Variants in OTC observed in about 807,000 individuals in gnomAD.
OTC encodes ornithine transcarbamylase, also known as ornithine transcarbamylase, mitochondrial.
Under a neutral mutation model 30.3 loss-of-function variants are expected in OTC, and 3 were observed. That is an observed-to-expected ratio of 0.10 (90% CI 0.05 to 0.26). The LOEUF is 0.26. OTC is among the 10% of genes least tolerant of loss of function. The pLI, the probability that OTC is intolerant of heterozygous loss-of-function variation, is 1.00. For missense variants in OTC, 194 were observed against 260.3 expected (o/e 0.75, Z 1.75); for synonymous variants, 111 against 99.7 (o/e 1.11, Z -0.67).
chrX:38,385,225 G>T (rs979712814), intron 4 of OTC, among the ~76,000 whole-genome samples: 9 of 111,964 alleles, frequency 8.0e-5, no homozygotes, highest in Non-Finnish European at 1.7e-4. Flanking sequence ...AGCTGAGATT[G>T]TGCCACTGCA....
upstream of OTC, among the ~76,000 whole-genome samples, chrX:38,349,562 C>G (rs928664005): frequency 8.9e-6 from 1 of 112,607 alleles, no homozygotes; most frequent in African/African-American, 3.2e-5. Context: ...TACCTTCTGC[C>G]ATGGAATGGC....
At chrX:38,382,266 T>C (rs2068380578) in intron 4 of OTC, among the ~76,000 whole-genome samples, 2 of 112,274 alleles carry the variant, frequency 1.8e-5, no homozygotes, top group African/African-American at 6.5e-5. Context: ...ATAATGAAAC[T>C]GAAGCATAGG....
At chrX:38,383,202 A>G (rs959664512) in intron 4 of OTC, among the ~76,000 whole-genome samples, 8 of 111,728 alleles carry the variant, frequency 7.2e-5, no homozygotes, top group Non-Finnish European at 1.5e-4. Context: ...GAGTCCATAT[A>G]ATTCATTTTG....
rs757273283 is a variant in OTC at position 38,412,750 on chromosome X, C to G, written c.1005+751C>G. On this transcript the variant is annotated intron_variant, in intron 9 of 9. Coordinates refer to ENST00000039007, the MANE Select transcript of OTC (RefSeq NM_000531.6). Reference sequence around the variant, plus strand: ...TCTTACTTGCAAACGGGAGTCCACTCTAGGTAGATAAATGGAAAGTAATGT... The same window carrying G: ...TCTTACTTGCAAACGGGAGTCCACTGTAGGTAGATAAATGGAAAGTAATGT... Among the ~76,000 whole-genome samples the G allele has an allele frequency of 9.8e-5, 11 of 111,979 alleles. No homozygotes were observed. The East Asian group carries it at 3.1e-3, about 31-fold the overall frequency.
chrX:38,420,557 T>A (rs2068590030), intron 9 of OTC, among the ~76,000 whole-genome samples: 1 of 111,256 alleles, frequency 9.0e-6, no homozygotes, highest in Admixed American at 9.7e-5. Flanking sequence ...CTTTCAGGAA[T>A]ACCCAGCTTC....
Position 38,367,361 on chromosome X carries a change from G to C in OTC, c.148G>C (p.Gly50Arg). The change falls in exon 2 of 10, where the codon GGA (glycine) becomes CGA (arginine). Residue 50 changes from glycine (G) to arginine (R), a missense_variant. Gly to Arg is a moderately radical substitution (Grantham distance 125). Transcript: ENST00000039007. Reference sequence around the variant, plus strand: ...CCTTCTCACTCTAAAAAACTTTACCGGAGAAGAAATTAAATATATGCTATG... The same window carrying C: ...CCTTCTCACTCTAAAAAACTTTACCCGAGAAGAAATTAAATATATGCTATG... Reference protein sequence around the residue: ...RDLLTLKNFTGEEIKYMLWLS... With the variant: ...RDLLTLKNFTREEIKYMLWLS... 8.3e-7 allele frequency: 1 copy of C among 1,199,241 alleles called. No homozygotes were observed. Among genetic ancestry groups the C allele is most frequent in the Non-Finnish European group, 1.1e-6 (1 of 884,509 alleles).
In OTC at chrX:38,370,787, A is replaced by C. The variant is rs182927481; in HGVS notation, c.298+910A>C. Among the ~76,000 whole-genome samples the C allele has an allele frequency of 6.6e-4, 73 of 111,012 alleles. 1 individual carries two copies. In the East Asian group the frequency reaches 0.02, roughly 30 times the overall value. Reference sequence around the variant, plus strand: ...TAAACCCTGCTCTTCTCACCCTTCAAAGTGTCTGTGAGCCTAATATTTCAC... The same window carrying C: ...TAAACCCTGCTCTTCTCACCCTTCACAGTGTCTGTGAGCCTAATATTTCAC... On this transcript the variant is annotated intron_variant, in intron 3 of 9. Transcript: ENST00000039007.
chrX:38,388,050 A>G lies in OTC; in HGVS notation c.386+6621A>G, dbSNP rs745787671. Among the ~76,000 whole-genome samples the G allele has an allele frequency of 2.7e-5, 3 of 112,192 alleles. No individual in the cohort carries two copies. The Admixed American group carries it at 2.8e-4, about 11-fold the overall frequency. On this transcript the variant is annotated intron_variant, in intron 4 of 9. Transcript: ENST00000039007. The stretch of plus-strand genomic sequence containing the variant: ...AGCCTTGTAAGCAGCCCTTTGAAGG[A>G]CAGCCACCTCAAGGCGCTATGTTAG...
intron 9 of OTC, among the ~76,000 whole-genome samples, chrX:38,415,702 A>G (rs2068567445): frequency 9.1e-6 from 1 of 110,303 alleles, no homozygotes; most frequent in Non-Finnish European, 1.9e-5. Context: ...AAAATACAAA[A>G]ATATTAGCCT....
intron 4 of OTC, among the ~76,000 whole-genome samples, chrX:38,399,543 G>A (rs2068474167): frequency 9.0e-6 from 1 of 110,922 alleles, no homozygotes; most frequent in Non-Finnish European, 1.9e-5. Context: ...GAGGTCAGGA[G>A]TTTGAGACCA....
At chrX:38,339,933 T>C in the OTC span, among the ~76,000 whole-genome samples, 1 of 111,837 alleles carries the variant, frequency 8.9e-6, no homozygotes, top group African/African-American at 3.2e-5. Flanking sequence ...AAATTGGTAT[T>C]GATGAAAAGA....
At chrX:38,400,986 C>G (rs1404920766) in intron 4 of OTC, among the ~76,000 whole-genome samples, 1 of 112,295 alleles carries the variant, frequency 8.9e-6, no homozygotes, top group African/African-American at 3.2e-5. Flanking sequence ...CCCTTTTAAC[C>G]AATGGCCATT....
chrX:38,385,948 A>T (rs920936537), intron 4 of OTC, among the ~76,000 whole-genome samples: 2 of 109,506 alleles, frequency 1.8e-5, no homozygotes, highest in African/African-American at 3.3e-5. Context: ...TAAAATAAAA[A>T]AAATTCCGCA....
intron 4 of OTC, among the ~76,000 whole-genome samples, chrX:38,385,522 C>T (rs867236100): frequency 2.7e-5 from 3 of 111,258 alleles, no homozygotes; most frequent in African/African-American, 9.8e-5. Context: ...AATGACAGAG[C>T]CAGGTACGCA....
intron 8 of OTC, among the ~76,000 whole-genome samples, chrX:38,410,819 T>C (rs1322958563): frequency 8.9e-6 from 1 of 111,999 alleles, no homozygotes; most frequent in Non-Finnish European, 1.9e-5. Flanking sequence ...GTTACTTTTT[T>C]CCATGTAATT....
chrX:38,331,157 T>C, the OTC span, among the ~76,000 whole-genome samples: 1 of 112,004 alleles, frequency 8.9e-6, no homozygotes. Context: ...AATAATAATT[T>C]AAGCCAGGAG....
In OTC at chrX:38,401,665, T is replaced by C. The variant is rs373549786; in HGVS notation, c.540+237T>C. Among the ~76,000 whole-genome samples, 16 of 111,812 alleles carry C rather than the reference T, an allele frequency of 1.4e-4. No individual in the cohort carries two copies. The East Asian group carries it at 4.5e-3, about 31-fold the overall frequency. Reference sequence around the variant, plus strand: ...AACCCTTTTAGCCCATATCTCATCTTATGTTCTGTCAATCCCTTTGATTTT... The same window carrying C: ...AACCCTTTTAGCCCATATCTCATCTCATGTTCTGTCAATCCCTTTGATTTT... On this transcript the variant is annotated intron_variant, in intron 5 of 9. Coordinates refer to ENST00000039007, the MANE Select transcript of OTC (RefSeq NM_000531.6).
At chrX:38,377,821 C>T (rs149888472) in intron 3 of OTC, among the ~76,000 whole-genome samples, 1,614 of 111,490 alleles carry the variant, frequency 0.014, 27 homozygotes, top group African/African-American at 0.05. Flanking sequence ...TCCACACTAC[C>T]TTCTTGTTGT....
intron 4 of OTC, among the ~76,000 whole-genome samples, chrX:38,391,726 G>C (rs181862393): frequency 1.8e-5 from 2 of 111,121 alleles, no homozygotes; most frequent in East Asian, 5.6e-4. Flanking sequence ...TAACTCTCTT[G>C]CTTTGTGGTG....
Sources: gnomAD v4.1 joint callset for allele counts (sites outside exome capture counted in the v4.1 genomes callset) on GRCh38, gnomAD v4.1.1 for gene constraint, MANE v1.5 for transcripts, NCBI Gene and HGNC (gene_info 2026-07-23, HGNC 2026-07-21) for gene names.